The following ADCY8 variants were observed in gnomAD, a reference collection of about 807,000 sequenced individuals.
ADCY8 encodes the protein adenylate cyclase 8.
In ADCY8, 51 loss-of-function variants were observed where a neutral mutation model predicts 119.7. That is an observed-to-expected ratio of 0.43 (90% CI 0.34 to 0.54). ADCY8 has a LOEUF of 0.54. Among genes scored for constraint, ADCY8 ranks in the 20% least tolerant of loss-of-function variants. The probability of loss-of-function intolerance (pLI) is 0.03; values close to 1 mark genes in which losing one functional copy is unlikely to be tolerated. For synonymous variants in ADCY8, 665 were observed against 651.0 expected, an observed-to-expected ratio of 1.02 and a Z score of -0.33; for missense variants, 1,383 against 1,598.8, an observed-to-expected ratio of 0.87 and a Z score of 2.30.
chr8:130,845,432 G>C (rs1817265913), intron 11 of ADCY8, among the ~76,000 whole-genome samples: 1 of 152,156 alleles, frequency 6.6e-6, no homozygotes, highest in African/African-American at 2.4e-5. Context: ...TTACAGATGA[G>C]GAAACTGAGG....
chr8:130,989,934 A>G (rs1822522480), intron 2 of ADCY8, among the ~76,000 whole-genome samples: 1 of 152,172 alleles, frequency 6.6e-6, no homozygotes, highest in Non-Finnish European at 1.5e-5. Context: ...TTTTTTGTGT[A>G]CATCTCTTCT....
At chr8:130,806,695 G>T (rs555400807) in intron 14 of ADCY8, among the ~76,000 whole-genome samples, 2 of 152,184 alleles carry the variant, frequency 1.3e-5, no homozygotes, top group African/African-American at 4.8e-5. Context: ...TCAGGCAATC[G>T]CAAGGGAATA....
At chr8:130,992,409 A>G (rs1441371041) in intron 1 of ADCY8, among the ~76,000 whole-genome samples, 1 of 32,744 alleles carries the variant, frequency 3.1e-5, no homozygotes, top group East Asian at 5.4e-3. Flanking sequence ...ATATATATAT[A>G]TATATATATA....
intron 9 of ADCY8, among the ~76,000 whole-genome samples, chr8:130,858,401 T>G (rs2130356202): frequency 6.6e-6 from 1 of 152,298 alleles, no homozygotes; most frequent in East Asian, 1.9e-4. Flanking sequence ...GGAATACTGG[T>G]GAGGTGTTTT....
chr8:130,926,451 T>C (rs753598538), intron 5 of ADCY8, among the ~76,000 whole-genome samples: 3 of 152,212 alleles, frequency 2.0e-5, no homozygotes, highest in Non-Finnish European at 2.9e-5. Flanking sequence ...ATTTAAAAAA[T>C]ATTTTTTATT....
chr8:130,947,021 A>T (rs1041482575), intron 3 of ADCY8, among the ~76,000 whole-genome samples: 1 of 152,216 alleles, frequency 6.6e-6, no homozygotes, highest in Non-Finnish European at 1.5e-5. Flanking sequence ...TGCTGAGCTC[A>T]GATCATCAAG....
intron 6 of ADCY8, among the ~76,000 whole-genome samples, chr8:130,906,423 C>T (rs958716755): frequency 6.6e-6 from 1 of 152,166 alleles, no homozygotes; most frequent in Non-Finnish European, 1.5e-5. Flanking sequence ...TATTATTCTG[C>T]TGTCAGTATG....
intron 3 of ADCY8, among the ~76,000 whole-genome samples, chr8:130,948,360 G>A (rs568388379): frequency 3.2e-4 from 48 of 152,340 alleles, no homozygotes; most frequent in Non-Finnish European, 4.1e-4. Context: ...TGGCCAGGTG[G>A]ATCCTCAGGT....
chr8:130,914,341 C>A lies in ADCY8; in HGVS notation c.1482-4475G>T, dbSNP rs902884882. Among the ~76,000 whole-genome samples the A allele has an allele frequency of 2.0e-5, 3 of 152,124 alleles. No homozygotes were observed. In the South Asian group the frequency reaches 6.2e-4, roughly 32 times the overall value. ...TGAGAGACTACTAAACAGCACACGG[C>A]GCTAATGTCATTAGGCAATTAACAT... On this transcript the variant is annotated intron_variant, in intron 5 of 17. Coordinates refer to ENST00000286355, the MANE Select transcript of ADCY8 (RefSeq NM_001115.3).
At chr8:130,801,050 A>C (rs1054463087) in intron 14 of ADCY8, among the ~76,000 whole-genome samples, 2 of 152,194 alleles carry the variant, frequency 1.3e-5, no homozygotes, top group Non-Finnish European at 2.9e-5. Flanking sequence ...GGGTTTCAAC[A>C]TAGGAATTCT....
At position 130,836,320 on chromosome 8, in the gene ADCY8, C is replaced by T. The variant is rs557261841; in HGVS notation, c.2632G>A (p.Ala878Thr). ...TTGTCATAACGCAGAAAGAGGCCTGCGTAGACGGTCTCAGTGAGCAGGGCA... is the reference window on the plus strand; with the variant it reads ...TTGTCATAACGCAGAAAGAGGCCTGTGTAGACGGTCTCAGTGAGCAGGGCA... ...IYALLTETVY[A>T]GLFLRYDNLN... The change falls in exon 12 of 18, where the codon GCA becomes ACA. Residue 878 changes from alanine (A) to threonine (T), a missense_variant. Coordinates refer to ENST00000286355, the MANE Select transcript of ADCY8 (RefSeq NM_001115.3). 48 of 1,613,804 alleles carry T rather than the reference C, an allele frequency of 3.0e-5. No homozygotes were observed. The highest frequency in any genetic ancestry group is 1.3e-4 in the Admixed American group (8 of 59,994).
intron 1 of ADCY8, among the ~76,000 whole-genome samples, chr8:130,991,794 T>C (rs1468767611): frequency 1.3e-5 from 2 of 152,204 alleles, no homozygotes; most frequent in Non-Finnish European, 2.9e-5. Context: ...GTCGAGATTA[T>C]AATAGTTCTT....
chr8:130,944,400 G>A (rs1385858424), intron 3 of ADCY8, among the ~76,000 whole-genome samples: 1 of 152,206 alleles, frequency 6.6e-6, no homozygotes, highest in Non-Finnish European at 1.5e-5. Context: ...AGTGAGATGT[G>A]TCTTACAATT....
At chr8:130,817,511 T>G (rs1816384560) in intron 13 of ADCY8, among the ~76,000 whole-genome samples, 1 of 152,218 alleles carries the variant, frequency 6.6e-6, no homozygotes, top group Non-Finnish European at 1.5e-5. Context: ...GAAGATTTTT[T>G]AATACGGGAA....
chr8:130,900,687 G>A (rs748943669), intron 7 of ADCY8, among the ~76,000 whole-genome samples: 4 of 152,138 alleles, frequency 2.6e-5, no homozygotes, highest in Non-Finnish European at 5.9e-5. Flanking sequence ...CAAGGAATAC[G>A]AATCTTTCAC....
At chr8:130,894,368 C>T (rs1365361959) in intron 7 of ADCY8, among the ~76,000 whole-genome samples, 1 of 152,038 alleles carries the variant, frequency 6.6e-6, no homozygotes, top group Non-Finnish European at 1.5e-5. Context: ...TTTATTATCC[C>T]GCGTGTTTAT....
At chr8:131,011,619 T>C (rs972198349) in intron 1 of ADCY8, among the ~76,000 whole-genome samples, 5 of 152,186 alleles carry the variant, frequency 3.3e-5, no homozygotes, top group Non-Finnish European at 7.4e-5. Context: ...GGTGACAGTA[T>C]GGGCCTGGGG....
intron 9 of ADCY8, among the ~76,000 whole-genome samples, chr8:130,855,568 C>T (rs147322221): frequency 5.3e-4 from 80 of 152,062 alleles, no homozygotes; most frequent in Middle Eastern, 3.4e-3. Flanking sequence ...AAGGCTTGCT[C>T]CCCTCCCCCA....
intron 3 of ADCY8, among the ~76,000 whole-genome samples, chr8:130,945,613 T>A (rs1821084017): frequency 6.6e-6 from 1 of 152,256 alleles, no homozygotes; most frequent in African/African-American, 2.4e-5. Context: ...TCCTTAAACG[T>A]GTTAGCTTTT....
Sources: gnomAD v4.1 joint callset for allele counts (sites outside exome capture counted in the v4.1 genomes callset) on GRCh38, gnomAD v4.1.1 for gene constraint, MANE v1.5 for transcripts, NCBI Gene and HGNC (gene_info 2026-07-23, HGNC 2026-07-21) for gene names.